ALK: variants seen among roughly 807,000 people sequenced by gnomAD.
ALK encodes ALK receptor tyrosine kinase, also known as ALK tyrosine kinase receptor.
Under a neutral mutation model 163.1 loss-of-function variants are expected in ALK, and 74 were observed. The observed-to-expected ratio is 0.45, with a 90% CI of 0.38 to 0.55. The LOEUF (loss-of-function observed/expected upper bound fraction) is 0.55. Among genes scored for constraint, ALK ranks in the 20% least tolerant of loss-of-function variants. ALK has a pLI of 0.00. For missense variants in ALK, 2,063 were observed against 2,105.3 expected, an observed-to-expected ratio of 0.98 and a Z score of 0.39; for synonymous variants, 960 against 843.2, an observed-to-expected ratio of 1.14 and a Z score of -2.40.
intron 3 of ALK, among the ~76,000 whole-genome samples, chr2:29,644,659 T>C (rs1271802379): frequency 6.6e-6 from 1 of 152,118 alleles, no homozygotes; most frequent in Non-Finnish European, 1.5e-5. Context: ...TGATCATTTA[T>C]AGAAGTTTAT....
In ALK at chr2:29,760,764, C is replaced by A. The variant is rs147363255; in HGVS notation, c.668-43067G>T. On this transcript the variant is annotated intron_variant, in intron 1 of 28. Transcript: ENST00000389048. ...GGGGGTAGAGGGAGTATTTGAAACT[C>A]TGGAACCCAACCATGCAGAGAACTT... is the stretch of plus-strand genomic sequence containing the variant. Among the ~76,000 whole-genome samples the A allele has an allele frequency of 1.4e-3, 213 of 152,318 alleles. 1 individual carries two copies. The highest frequency in any genetic ancestry group is 3.5e-3 in the African/African-American group (147 of 41,572).
At chr2:29,270,000 G>A (rs1665337946) in intron 11 of ALK, among the ~76,000 whole-genome samples, 1 of 152,188 alleles carries the variant, frequency 6.6e-6, no homozygotes, top group South Asian at 2.1e-4. Context: ...AACATAAGAA[G>A]CCAGATCCCT....
At chr2:29,308,694 C>T (rs1558663385) in intron 8 of ALK, among the ~76,000 whole-genome samples, 1 of 152,164 alleles carries the variant, frequency 6.6e-6, no homozygotes, top group Non-Finnish European at 1.5e-5. Context: ...CAAGTGGGGT[C>T]AACAGTACCC....
intron 1 of ALK, among the ~76,000 whole-genome samples, chr2:29,902,957 C>T (rs1667454318): frequency 6.6e-6 from 1 of 152,128 alleles, no homozygotes; most frequent in South Asian, 2.1e-4. Context: ...TTATCTGATC[C>T]CCTCAACCTG....
chr2:29,476,107 A>T (rs1198546756), intron 4 of ALK, among the ~76,000 whole-genome samples: 1 of 152,132 alleles, frequency 6.6e-6, no homozygotes, highest in African/African-American at 2.4e-5. Context: ...GGATGCTGGG[A>T]CCACCAGGGT....
At position 29,589,465 on chromosome 2, in the gene ALK, G is replaced by A. The variant is rs77057496; in HGVS notation, c.953-57349C>T. ...AGTGTGGTGGTCCTGAGTTTGTACA[G>A]TGATGAAATCGAGGGCAGAGAGACC... On this transcript the variant is annotated intron_variant, in intron 3 of 28. Transcript: ENST00000389048. Among the ~76,000 whole-genome samples the A allele has an allele frequency of 5.0e-4, 76 of 152,302 alleles. No homozygotes were observed. In the East Asian group the frequency reaches 0.013, roughly 26 times the overall value.
intron 1 of ALK, among the ~76,000 whole-genome samples, chr2:29,771,262 A>G (rs1462800902): frequency 6.6e-6 from 1 of 151,564 alleles, no homozygotes; most frequent in Non-Finnish European, 1.5e-5. Flanking sequence ...TCCCTAAACC[A>G]AAAGACTTGA....
rs1230423005 is a variant in ALK at position 29,828,461 on chromosome 2, A to G, written c.667+91532T>C. Among the ~76,000 whole-genome samples the G allele has an allele frequency of 5.9e-5, 9 of 152,324 alleles. No individual in the cohort carries two copies. The South Asian group carries it at 1.0e-3, about 18-fold the overall frequency. On this transcript the variant is annotated intron_variant, in intron 1 of 28. Coordinates refer to ENST00000389048, the MANE Select transcript of ALK (RefSeq NM_004304.5). Reference sequence around the variant, plus strand: ...CCAGAATCTACAATGAACTCAAACAAATTTACAAGAAAAAAACAACCCCAT... The same window carrying G: ...CCAGAATCTACAATGAACTCAAACAGATTTACAAGAAAAAAACAACCCCAT...
intron 1 of ALK, among the ~76,000 whole-genome samples, chr2:29,798,815 C>T (rs936310337): frequency 3.9e-5 from 6 of 152,048 alleles, no homozygotes; most frequent in East Asian, 1.9e-4. Flanking sequence ...GGACTCTGAC[C>T]GTTCTGGAGA....
chr2:29,904,973 A>T (rs1327177737), intron 1 of ALK, among the ~76,000 whole-genome samples: 1 of 152,240 alleles, frequency 6.6e-6, no homozygotes. Flanking sequence ...CTGTTTTAAC[A>T]GTAAATGTCT....
chr2:29,525,621 C>A (rs1672937460), intron 4 of ALK, among the ~76,000 whole-genome samples: 1 of 151,802 alleles, frequency 6.6e-6, no homozygotes, highest in South Asian at 2.1e-4. Context: ...AAAACCCTGT[C>A]TCTACTAAAA....
chr2:29,249,165 A>G (rs1274432527), intron 12 of ALK, among the ~76,000 whole-genome samples: 1 of 152,210 alleles, frequency 6.6e-6, no homozygotes, highest in African/African-American at 2.4e-5. Flanking sequence ...ACACAGCCCA[A>G]GAGAATCCCC....
In ALK at chr2:29,877,108, T is replaced by C. The variant is rs560241548; in HGVS notation, c.667+42885A>G. Among the ~76,000 whole-genome samples, 10 of 152,364 alleles carry C rather than the reference T, an allele frequency of 6.6e-5. No homozygotes were observed. The East Asian group carries it at 1.9e-3, about 29-fold the overall frequency. On this transcript the variant is annotated intron_variant, in intron 1 of 28. Coordinates refer to ENST00000389048, the MANE Select transcript of ALK (RefSeq NM_004304.5). ...ACGAAGTAATTTTCTTAAGGATCAG[T>C]GTCTCCTTTGACTCTTGTGGTATCA...
At chr2:29,820,197 C>T (rs1483872631) in intron 1 of ALK, among the ~76,000 whole-genome samples, 1 of 152,218 alleles carries the variant, frequency 6.6e-6, no homozygotes, top group Non-Finnish European at 1.5e-5. Context: ...TCCTTGTCCT[C>T]TCTTGGACCA....
intron 4 of ALK, among the ~76,000 whole-genome samples, chr2:29,420,464 A>G (rs1324369536): frequency 1.3e-5 from 2 of 151,520 alleles, no homozygotes; most frequent in East Asian, 1.9e-4. Context: ...GGTTATTCAC[A>G]TTTGAGGAAC....
intron 3 of ALK, among the ~76,000 whole-genome samples, chr2:29,658,971 T>C (rs1167326993): frequency 6.6e-6 from 1 of 151,986 alleles, no homozygotes; most frequent in African/African-American, 2.4e-5. Context: ...AACGAAAAAA[T>C]CAAATTGGGA....
chr2:29,359,531 A>G (rs1668339656), intron 5 of ALK, among the ~76,000 whole-genome samples: 1 of 152,214 alleles, frequency 6.6e-6, no homozygotes, highest in Non-Finnish European at 1.5e-5. Context: ...CATTAGGATA[A>G]TAAAAAAGGA....
At chr2:29,808,706 G>A (rs972837793) in intron 1 of ALK, among the ~76,000 whole-genome samples, 1 of 152,156 alleles carries the variant, frequency 6.6e-6, no homozygotes, top group African/African-American at 2.4e-5. Context: ...GGGCCTTCTG[G>A]TGGCTGATCA....
At chr2:29,829,051 A>C (rs1665285379) in intron 1 of ALK, among the ~76,000 whole-genome samples, 1 of 151,624 alleles carries the variant, frequency 6.6e-6, no homozygotes, top group Non-Finnish European at 1.5e-5. Flanking sequence ...CATTCTCAGC[A>C]AACTATCGCA....
Sources: gnomAD v4.1 joint callset for allele counts (sites outside exome capture counted in the v4.1 genomes callset) on GRCh38, gnomAD v4.1.1 for gene constraint, MANE v1.5 for transcripts, NCBI Gene and HGNC (gene_info 2026-07-23, HGNC 2026-07-21) for gene names.